PTPN11: variants seen among roughly 807,000 people sequenced by gnomAD.
The protein encoded by PTPN11 is protein tyrosine phosphatase non-receptor type 11.
A neutral mutation model predicts 78.8 loss-of-function variants in PTPN11; 6 were observed. That is an observed-to-expected ratio of 0.08 (90% CI 0.04 to 0.15). The LOEUF (loss-of-function observed/expected upper bound fraction) is 0.15. Among genes scored for constraint, PTPN11 ranks in the 10% least tolerant of loss-of-function variants. The pLI is 1.00. For synonymous variants in PTPN11, 221 were observed against 263.5 expected (o/e 0.84, Z 1.56); for missense variants, 386 against 744.8 (o/e 0.52, Z 5.61).
At chr12:112,479,928 G>C (rs1011784690) in intron 9 of PTPN11, among the ~76,000 whole-genome samples, 1 of 152,104 alleles carries the variant, frequency 6.6e-6, no homozygotes, top group African/African-American at 2.4e-5. Flanking sequence ...GATGGGTATT[G>C]ATTCTCTCCA....
chr12:112,496,490 T>C (rs1044865550), intron 13 of PTPN11, among the ~76,000 whole-genome samples: 4 of 152,212 alleles, frequency 2.6e-5, no homozygotes, highest in Admixed American at 1.3e-4. Flanking sequence ...CATATGGCTG[T>C]ATATGAATCC....
At chr12:112,473,617 C>G (rs758142549) in intron 7 of PTPN11, among the ~76,000 whole-genome samples, 33 of 151,378 alleles carry the variant, frequency 2.2e-4, no homozygotes, top group Non-Finnish European at 1.9e-4. Context: ...GAGGCCGAGG[C>G]AAGCGGATCA....
intron 6 of PTPN11, among the ~76,000 whole-genome samples, chr12:112,460,016 C>T (rs1435406455): frequency 1.3e-5 from 2 of 151,778 alleles, no homozygotes; most frequent in Non-Finnish European, 2.9e-5. Flanking sequence ...GGTGCATTCT[C>T]AGCTCACTGC....
chr12:112,442,238 C>T (rs1301150261), intron 1 of PTPN11, among the ~76,000 whole-genome samples: 2 of 152,076 alleles, frequency 1.3e-5, no homozygotes, highest in African/African-American at 4.8e-5. Flanking sequence ...GTTAACTTTT[C>T]ATCCAGATTT....
At chr12:112,426,281 A>C (rs972199570) in intron 1 of PTPN11, among the ~76,000 whole-genome samples, 7 of 151,834 alleles carry the variant, frequency 4.6e-5, no homozygotes, top group African/African-American at 7.3e-5. Context: ...TTTGAGACAG[A>C]GTTTCACTCT....
chr12:112,444,277 T>C (rs1393007354), intron 1 of PTPN11, among the ~76,000 whole-genome samples: 3 of 152,168 alleles, frequency 2.0e-5, no homozygotes, highest in Non-Finnish European at 4.4e-5. Flanking sequence ...TTTGAATCCG[T>C]GTTTTCAATT....
At chr12:112,479,014 G>A (rs1374729800) in intron 9 of PTPN11, among the ~76,000 whole-genome samples, 1 of 152,202 alleles carries the variant, frequency 6.6e-6, no homozygotes, top group Admixed American at 6.6e-5. Context: ...GATTATAGGT[G>A]TGAGCCACCA....
At chr12:112,472,175 A>G (rs1429944897) in intron 6 of PTPN11, among the ~76,000 whole-genome samples, 1 of 151,976 alleles carries the variant, frequency 6.6e-6, no homozygotes, top group Non-Finnish European at 1.5e-5. Context: ...TCTTTTTAAG[A>G]TAGCGTCTCA....
At chr12:112,421,141 A>G (rs1317981733) in intron 1 of PTPN11, among the ~76,000 whole-genome samples, 2 of 152,188 alleles carry the variant, frequency 1.3e-5, no homozygotes, top group Non-Finnish European at 2.9e-5. Flanking sequence ...CCCTGGTATT[A>G]TGCACCACCC....
At chr12:112,452,329 T>A (rs1592828030) in intron 3 of PTPN11, among the ~76,000 whole-genome samples, 1 of 152,022 alleles carries the variant, frequency 6.6e-6, no homozygotes, top group Non-Finnish European at 1.5e-5. Context: ...CAGGTTCAAG[T>A]GATTCTCCTG....
At chr12:112,434,718 A>G (rs1461116014) in intron 1 of PTPN11, among the ~76,000 whole-genome samples, 1 of 152,200 alleles carries the variant, frequency 6.6e-6, no homozygotes, top group Non-Finnish European at 1.5e-5. Context: ...ACACAGGCTC[A>G]GAGGGAGTAG....
intron 13 of PTPN11, among the ~76,000 whole-genome samples, chr12:112,491,675 G>A (rs1366259753): frequency 6.6e-6 from 1 of 152,078 alleles, no homozygotes; most frequent in Non-Finnish European, 1.5e-5. Flanking sequence ...TATGGGTCCA[G>A]GGTCACACAG....
chr12:112,449,647 AAAC>A (rs1489190072), intron 2 of PTPN11, among the ~76,000 whole-genome samples: 2 of 152,252 alleles, frequency 1.3e-5, no homozygotes, highest in African/African-American at 4.8e-5. Flanking sequence ...TATGATTAAA[AAAC>A]AAAATGTTTT....
At chr12:112,493,589 A>G (rs1164992831) in intron 13 of PTPN11, among the ~76,000 whole-genome samples, 1 of 151,752 alleles carries the variant, frequency 6.6e-6, no homozygotes, top group Non-Finnish European at 1.5e-5. Flanking sequence ...GGGGTTCACC[A>G]TGTTAGCCAG....
At chr12:112,493,298 A>T (rs1193252995) in intron 13 of PTPN11, among the ~76,000 whole-genome samples, 6 of 151,294 alleles carry the variant, frequency 4.0e-5, no homozygotes, top group East Asian at 1.9e-4. Context: ...ACCTCAAATG[A>T]TCCTCCCGTC....
intron 13 of PTPN11, among the ~76,000 whole-genome samples, chr12:112,500,999 G>A (rs148922623): frequency 0.015 from 2,291 of 152,176 alleles, 64 homozygotes; most frequent in African/African-American, 0.051. Context: ...TGAATTCCTG[G>A]GCTCAAGCAA....
chr12:112,422,641 C>T (rs1208922168), intron 1 of PTPN11, among the ~76,000 whole-genome samples: 1 of 152,104 alleles, frequency 6.6e-6, no homozygotes, highest in East Asian at 1.9e-4. Flanking sequence ...TTATCTCCTG[C>T]GGGAGTAAAT....
intron 1 of PTPN11, among the ~76,000 whole-genome samples, chr12:112,423,158 C>T (rs1182994401): frequency 2.0e-5 from 3 of 152,134 alleles, no homozygotes; most frequent in Non-Finnish European, 2.9e-5. Flanking sequence ...GTATATGTGA[C>T]GCTCTTTGAC....
chr12:112,435,175 A>T (rs1277668096), intron 1 of PTPN11, among the ~76,000 whole-genome samples: 1 of 151,782 alleles, frequency 6.6e-6, no homozygotes, highest in Non-Finnish European at 1.5e-5. Flanking sequence ...TGTGCCATCA[A>T]TGCCCCACCA....
Sources: allele counts gnomAD v4.1 joint callset (sites outside exome capture counted in the v4.1 genomes callset), GRCh38; gene constraint gnomAD v4.1.1; transcripts MANE v1.5; gene names NCBI Gene and HGNC (gene_info 2026-07-23, HGNC 2026-07-21).